Variants in CDH13 observed in about 807,000 individuals in gnomAD.
The protein encoded by CDH13 is cadherin 13.
A neutral mutation model predicts 63.8 loss-of-function variants in CDH13; 24 were observed. That is an observed-to-expected ratio of 0.38 (90% CI 0.27 to 0.53). The LOEUF (loss-of-function observed/expected upper bound fraction) is 0.53, where lower values mean the gene tolerates loss of function less well. Ranked by LOEUF, CDH13 falls within the 20% of genes least tolerant of loss-of-function variation. CDH13 has a pLI of 0.85. For missense variants in CDH13, 1,049 were observed against 903.1 expected, an observed-to-expected ratio of 1.16 and a Z score of -2.07; for synonymous variants, 503 against 355.3, an observed-to-expected ratio of 1.42 and a Z score of -4.67.
intron 7 of CDH13, among the ~76,000 whole-genome samples, chr16:83,584,740 T>A (rs894783680): frequency 2.6e-5 from 4 of 152,132 alleles, no homozygotes; most frequent in African/African-American, 7.2e-5. Context: ...GACTGGGTAA[T>A]TTATAAAGAA....
intron 1 of CDH13, among the ~76,000 whole-genome samples, chr16:82,807,300 T>C (rs2037194240): frequency 6.6e-6 from 1 of 151,884 alleles, no homozygotes; most frequent in Admixed American, 6.6e-5. Context: ...CAAAAAGGAG[T>C]TGAAATTTTA....
chr16:82,994,139 T>G (rs565469478), intron 2 of CDH13, among the ~76,000 whole-genome samples: 2 of 152,104 alleles, frequency 1.3e-5, no homozygotes, highest in Non-Finnish European at 2.9e-5. Flanking sequence ...CTATTCCCCT[T>G]CTCTTCCCAA....
In CDH13 at chr16:83,699,675, A is replaced by C. The variant is rs1905920991; in HGVS notation, c.1538+21214A>C. Among the ~76,000 whole-genome samples the C allele has an allele frequency of 3.3e-5, 5 of 152,306 alleles. No homozygotes were observed. The South Asian group carries it at 1.0e-3, about 32-fold the overall frequency. On this transcript the variant is annotated intron_variant, in intron 10 of 13. Coordinates refer to ENST00000567109, the MANE Select transcript of CDH13 (RefSeq NM_001257.5). The stretch of plus-strand genomic sequence containing the variant: ...CGCACATACACACACACTCACTGTC[A>C]TCAGAATTGGTTGCATGTGATCTAA...
rs115710025 is a variant in CDH13, at chr16:83,294,206, A to G, written c.637-50656A>G. Among the ~76,000 whole-genome samples, 362 of 152,342 alleles carry G rather than the reference A, an allele frequency of 2.4e-3. 1 individual carries two copies. The highest frequency in any genetic ancestry group is 8.4e-3 in the African/African-American group (350 of 41,580). On this transcript the variant is annotated intron_variant, in intron 5 of 13. Coordinates refer to ENST00000567109, the MANE Select transcript of CDH13 (RefSeq NM_001257.5). ...ATGATTAAATCTAGCTAATGAACATATGCATTATGTCACAGTTACTATTTT... is the reference window on the plus strand; with the variant it reads ...ATGATTAAATCTAGCTAATGAACATGTGCATTATGTCACAGTTACTATTTT...
chr16:83,015,777 T>C (rs893760415), intron 2 of CDH13, among the ~76,000 whole-genome samples: 1 of 144,458 alleles, frequency 6.9e-6, no homozygotes, highest in African/African-American at 2.6e-5. Context: ...CGTGGGTATG[T>C]GCAAAAAGAA....
At chr16:82,896,770 C>CTTTTTTTTTT (rs71382855) in intron 2 of CDH13, among the ~76,000 whole-genome samples, 1 of 55,516 alleles carries the variant, frequency 1.8e-5, no homozygotes, top group African/African-American at 8.1e-5. Flanking sequence ...CTGTGCAATT[C>CTTTTTTTTTT]TTTTTTTTTT....
intron 4 of CDH13, among the ~76,000 whole-genome samples, chr16:83,150,502 C>T (rs1047059436): frequency 3.3e-5 from 5 of 152,162 alleles, no homozygotes; most frequent in African/African-American, 1.2e-4. Context: ...TCACCTTCAA[C>T]TCCACACTCA....
intron 7 of CDH13, among the ~76,000 whole-genome samples, chr16:83,567,789 G>T (rs920754391): frequency 1.3e-5 from 2 of 151,636 alleles, no homozygotes; most frequent in African/African-American, 4.8e-5. Flanking sequence ...TAGAGATGGG[G>T]TTTCACTGTG....
intron 10 of CDH13, among the ~76,000 whole-genome samples, chr16:83,740,266 G>C (rs895075750): frequency 2.0e-5 from 3 of 151,944 alleles, no homozygotes; most frequent in African/African-American, 7.3e-5. Flanking sequence ...TACCCCATGG[G>C]AAGTCATTGG....
rs373438872 is a variant in CDH13 at position 82,872,156 on chromosome 16, G to A, written c.157+13683G>A. 2.0e-4 allele frequency among the ~76,000 whole-genome samples: 30 copies of A among 152,330 alleles called. No individual in the cohort carries two copies. The East Asian group carries it at 2.7e-3, about 14-fold the overall frequency. ...CATTAAGTACTAACGTCTTATGACC[G>A]CAGACTGTGCCCCAAGCCTGAGAAT... On this transcript the variant is annotated intron_variant, in intron 2 of 13. Transcript: ENST00000567109.
chr16:83,181,073 A>C (rs2038335513), intron 4 of CDH13: 4 of 1,384,588 alleles, frequency 2.9e-6, no homozygotes, highest in Non-Finnish European at 3.8e-6. Context: ...ATGTGTTTAA[A>C]TAAATTGTCC....
intron 5 of CDH13, among the ~76,000 whole-genome samples, chr16:83,341,705 C>T (rs1698028780): frequency 6.6e-6 from 1 of 152,090 alleles, no homozygotes; most frequent in African/African-American, 2.4e-5. Context: ...TACGCAAAAA[C>T]TCTTGTATGG....
At chr16:82,909,852 C>G (rs2041773022) in intron 2 of CDH13, among the ~76,000 whole-genome samples, 1 of 152,178 alleles carries the variant, frequency 6.6e-6, no homozygotes, top group African/African-American at 2.4e-5. Context: ...GATGAGAAAA[C>G]AGGCATTTCT....
chr16:83,508,843 T>C (rs1240611611), intron 7 of CDH13, among the ~76,000 whole-genome samples: 1 of 152,216 alleles, frequency 6.6e-6, no homozygotes, highest in Non-Finnish European at 1.5e-5. Context: ...TCTTCTATAT[T>C]TTAGATATCT....
intron 2 of CDH13, among the ~76,000 whole-genome samples, chr16:83,022,721 G>A (rs1277284193): frequency 2.0e-5 from 3 of 152,126 alleles, no homozygotes; most frequent in Non-Finnish European, 4.4e-5. Context: ...TGTACAAGTG[G>A]AATCTGACCA....
intron 5 of CDH13, among the ~76,000 whole-genome samples, chr16:83,240,636 G>A (rs1904333099): frequency 6.8e-6 from 1 of 146,806 alleles, no homozygotes; most frequent in Non-Finnish European, 1.5e-5. Flanking sequence ...TGAGGGTAGT[G>A]GGAAGATTTT....
chr16:83,210,095 C>G (rs776803358), intron 4 of CDH13, among the ~76,000 whole-genome samples: 4 of 151,972 alleles, frequency 2.6e-5, no homozygotes, highest in East Asian at 1.9e-4. Flanking sequence ...GACAGAGTCT[C>G]GCTCTGTCAT....
chr16:83,176,475 A>C (rs1182212535), intron 4 of CDH13, among the ~76,000 whole-genome samples: 2 of 140,396 alleles, frequency 1.4e-5, no homozygotes, highest in South Asian at 4.6e-4. Context: ...GCATCACTGC[A>C]CTCCAGCCTG....
chr16:83,311,347 G>T (rs914360227), intron 5 of CDH13, among the ~76,000 whole-genome samples: 1 of 151,974 alleles, frequency 6.6e-6, no homozygotes, highest in Non-Finnish European at 1.5e-5. Flanking sequence ...AAATTAAAAA[G>T]TAAAAGTCGT....
Sources: gnomAD v4.1 joint callset for allele counts (sites outside exome capture counted in the v4.1 genomes callset) on GRCh38, gnomAD v4.1.1 for gene constraint, MANE v1.5 for transcripts, NCBI Gene and HGNC (gene_info 2026-07-23, HGNC 2026-07-21) for gene names.